NRXN1: variants seen among roughly 807,000 people sequenced by gnomAD.
NRXN1 encodes neurexin 1, also known as neurexin-1.
Under a neutral mutation model 150.9 loss-of-function variants are expected in NRXN1, and 39 were observed. That is an observed-to-expected ratio of 0.26 (90% CI 0.20 to 0.34). The LOEUF is 0.34. Among genes scored for constraint, NRXN1 ranks in the 10% least tolerant of loss-of-function variants. The pLI is 1.00. For missense variants in NRXN1, 1,815 were observed against 1,949.9 expected, an observed-to-expected ratio of 0.93 and a Z score of 1.30; for synonymous variants, 924 against 757.0, an observed-to-expected ratio of 1.22 and a Z score of -3.62.
intron 2 of NRXN1, among the ~76,000 whole-genome samples, chr2:50,979,880 A>G (rs1696514347): frequency 1.3e-5 from 2 of 152,124 alleles, no homozygotes. Context: ...ATGGTTTCAA[A>G]CATCTGTTTG....
rs540631966 is a variant in NRXN1 at position 50,347,475 on chromosome 2, T to C, written c.3365-110505A>G. ...CCTTTCAAGACAGAAGCAGACCCCA[T>C]GGAATCCAGGCGCCCCTTCCCTCCA... On this transcript the variant is annotated intron_variant, in intron 17 of 22. Transcript: ENST00000401669. The surrounding 1 kb of genome is among the most constrained non-coding windows in gnomAD (Gnocchi z 4.9). The C allele has an allele frequency of 1.7e-5, 18 of 1,074,062 alleles. No individual in the cohort carries two copies. In the East Asian group the frequency reaches 1.7e-3, roughly 102 times the overall value. The allele number at this position is 1,074,062 out of a possible 1,614,324, so 66.5% of individuals were successfully genotyped here.
chr2:50,619,641 C>T (rs1168637065), intron 8 of NRXN1: 2 of 349,048 alleles, frequency 5.7e-6, no homozygotes, highest in East Asian at 8.5e-5. Context: ...CTTCTTTTTT[C>T]TTTTAATACT....
chr2:50,215,593 A>C (rs549432518), intron 18 of NRXN1, among the ~76,000 whole-genome samples: 1 of 152,136 alleles, frequency 6.6e-6, no homozygotes, highest in Non-Finnish European at 1.5e-5. Flanking sequence ...CACAGGCCTT[A>C]ATTTTCTTAT....
intron 5 of NRXN1, chr2:50,624,872 T>G (rs911584075): frequency 1.3e-5 from 2 of 151,920 alleles, no homozygotes; most frequent in African/African-American, 4.8e-5. Flanking sequence ...AAGGTGGATA[T>G]TTGGAAGGAA....
intron 2 of NRXN1, among the ~76,000 whole-genome samples, chr2:51,008,897 G>A (rs960056256): frequency 6.6e-6 from 1 of 151,072 alleles, no homozygotes; most frequent in Non-Finnish European, 1.5e-5. Context: ...TTTAGTTTTA[G>A]GCAATTTTTT....
intron 18 of NRXN1, among the ~76,000 whole-genome samples, chr2:50,162,383 A>G (rs2059415873): frequency 1.3e-5 from 2 of 152,178 alleles, no homozygotes; most frequent in African/African-American, 4.8e-5. Context: ...AACTCTGCCT[A>G]TAAACATTGT....
At chr2:50,111,103 C>T (rs1216546563) in intron 18 of NRXN1, among the ~76,000 whole-genome samples, 1 of 152,042 alleles carries the variant, frequency 6.6e-6, no homozygotes, top group African/African-American at 2.4e-5. Context: ...TTTAGATTGT[C>T]CCGTGATACA....
At position 49,945,790 on chromosome 2, in the gene NRXN1, A is replaced by C. The variant is rs1407448512; in HGVS notation, c.4129-1999T>G. On this transcript the variant is annotated intron_variant, in intron 21 of 22. Coordinates refer to ENST00000401669, the MANE Select transcript of NRXN1 (RefSeq NM_001330078.2). ...ATTTTCTATATCCAGTCTATCATTG[A>C]TGAGCATTTGGGTTGGTTCCAAGTC... is the stretch of plus-strand genomic sequence containing the variant. Among the ~76,000 whole-genome samples the C allele has an allele frequency of 6.6e-5, 10 of 152,154 alleles. No homozygotes were observed. In the East Asian group the frequency reaches 1.9e-3, roughly 29 times the overall value.
chr2:50,131,236 CTTAA>C (rs1394639599), intron 18 of NRXN1, among the ~76,000 whole-genome samples: 1 of 152,170 alleles, frequency 6.6e-6, no homozygotes, highest in Non-Finnish European at 1.5e-5. Flanking sequence ...CCCTTTTCCA[CTTAA>C]TTAATCATTA....
chr2:50,059,760 G>T (rs1182864013), intron 19 of NRXN1, among the ~76,000 whole-genome samples: 1 of 152,214 alleles, frequency 6.6e-6, no homozygotes, highest in Non-Finnish European at 1.5e-5. Flanking sequence ...GTACAGCTCA[G>T]GTCGTTGCTT....
chr2:50,905,155 C>T (rs1683496293), intron 5 of NRXN1, among the ~76,000 whole-genome samples: 1 of 152,092 alleles, frequency 6.6e-6, no homozygotes, highest in Non-Finnish European at 1.5e-5. Flanking sequence ...TAAACAACCT[C>T]TTAGCTTATT....
intron 18 of NRXN1, among the ~76,000 whole-genome samples, chr2:50,191,228 C>T (rs545942699): frequency 8.3e-5 from 12 of 145,348 alleles, no homozygotes; most frequent in East Asian, 2.0e-4. Context: ...TTAGTAGAGA[C>T]GGGGTTTCAC....
chr2:50,434,412 C>G (rs939649403), intron 17 of NRXN1, among the ~76,000 whole-genome samples: 1 of 152,072 alleles, frequency 6.6e-6, no homozygotes, highest in African/African-American at 2.4e-5. Flanking sequence ...GTGGATTCCT[C>G]TCTTCACATG....
intron 21 of NRXN1, among the ~76,000 whole-genome samples, chr2:49,951,021 A>G (rs935601731): frequency 3.3e-5 from 5 of 151,918 alleles, no homozygotes; most frequent in African/African-American, 1.2e-4. Flanking sequence ...AAAGTATGCA[A>G]TGGTTCCAGA....
chr2:51,001,194 T>C (rs1700005660), intron 2 of NRXN1, among the ~76,000 whole-genome samples: 1 of 119,548 alleles, frequency 8.4e-6, no homozygotes, highest in South Asian at 2.8e-4. Flanking sequence ...TGCCTCCATA[T>C]GGTTCCAACC....
At chr2:50,119,566 GA>G (rs35595009) in intron 18 of NRXN1, among the ~76,000 whole-genome samples, 46,617 of 136,882 alleles carry the variant, frequency 0.34, 7,452 homozygotes, top group Non-Finnish European at 0.39. Flanking sequence ...CATTAAAAAA[GA>G]AAAAAAAAAA....
At chr2:50,228,126 T>A (rs1451352472) in intron 18 of NRXN1, among the ~76,000 whole-genome samples, 2 of 152,040 alleles carry the variant, frequency 1.3e-5, no homozygotes, top group Non-Finnish European at 2.9e-5. Flanking sequence ...AAAACACACA[T>A]TGGATTTGAA....
intron 17 of NRXN1, among the ~76,000 whole-genome samples, chr2:50,461,199 C>G (rs1316238028): frequency 6.6e-6 from 1 of 151,896 alleles, no homozygotes; most frequent in East Asian, 1.9e-4. Flanking sequence ...ATGTTTCTAA[C>G]TCTCATATGA....
rs557789922 is a variant in NRXN1 at position 50,418,621 on chromosome 2, G to A, written c.3364+46821C>T. On this transcript the variant is annotated intron_variant, in intron 17 of 22. Coordinates refer to ENST00000401669, the MANE Select transcript of NRXN1 (RefSeq NM_001330078.2). Reference sequence around the variant, plus strand: ...TCTGATTTTAAAATTTTCATTAAAAGCAAATTTTTAAAAAGGCATACCCTT... The same window carrying A: ...TCTGATTTTAAAATTTTCATTAAAAACAAATTTTTAAAAAGGCATACCCTT... Among the ~76,000 whole-genome samples the A allele has an allele frequency of 7.9e-5, 12 of 151,950 alleles. 1 individual carries two copies. In the South Asian group the frequency reaches 2.3e-3, roughly 29 times the overall value.
Sources: gnomAD v4.1 joint callset for allele counts (sites outside exome capture counted in the v4.1 genomes callset) on GRCh38, gnomAD v4.1.1 for gene constraint, Gnocchi (gnomAD v3.1) non-coding constraint, MANE v1.5 for transcripts, NCBI Gene and HGNC (gene_info 2026-07-23, HGNC 2026-07-21) for gene names.